Variants in ARID3A observed in about 807,000 individuals in gnomAD.
The protein encoded by ARID3A is AT-rich interaction domain 3A, also known as AT-rich interactive domain-containing protein 3A.
Under a neutral mutation model 52.7 loss-of-function variants are expected in ARID3A, and 11 were observed. The ratio of observed to expected loss-of-function variants is 0.21; its 90% CI spans 0.13 to 0.35. The LOEUF (loss-of-function observed/expected upper bound fraction) is 0.35, where lower values mean the gene tolerates loss of function less well. ARID3A is among the 10% of genes least tolerant of loss of function. The pLI, the probability that ARID3A is intolerant of heterozygous loss-of-function variation, is 1.00. For synonymous variants in ARID3A, 404 were observed against 359.4 expected (o/e 1.12, Z -1.40); for missense variants, 721 against 838.5 (o/e 0.86, Z 1.73).
At chr19:926,324 C>G (rs1472821703) in intron 1 of ARID3A, among the ~76,000 whole-genome samples, 7 of 151,718 alleles carry the variant, frequency 4.6e-5, no homozygotes, top group Non-Finnish European at 8.8e-5. Flanking sequence ...GGGTCCCGGA[C>G]TGGGAAGGCG....
At position 959,273 on chromosome 19, in the gene ARID3A, T is replaced by C. The variant is rs1413360760; in HGVS notation, c.694-819T>C. On this transcript the variant is annotated intron_variant, in intron 3 of 8. Transcript: ENST00000263620. This position sits in a 1 kb window ranked among gnomAD's most constrained non-coding sequence, Gnocchi z 5.0. ...GGGAACGCAACCCTGCAGACATCTT[T>C]TGTTTTGTTTTGTTTTTAGAGACAG... 6.6e-6 allele frequency among the ~76,000 whole-genome samples: 1 copy of C among 152,046 alleles called. No homozygotes were observed. Among genetic ancestry groups the C allele is most frequent in the African/African-American group, 2.4e-5 (1 of 41,418 alleles).
intron 4 of ARID3A, among the ~76,000 whole-genome samples, chr19:963,440 C>A (rs2095155013): frequency 6.6e-6 from 1 of 152,210 alleles, no homozygotes; most frequent in Non-Finnish European, 1.5e-5. Context: ...TACTGTCAGG[C>A]CAGGGAGGGG....
In ARID3A at chr19:929,577, G is replaced by C; in HGVS notation, c.49G>C (p.Ala17Pro). ...METLLQRQQR[A>P]RQELEARQQL... ...GACGCTGTTGCAGCGGCAGCAGCGG[G>C]CGCGCCAGGAGCTGGAGGCCCGGCA... Residue 17 changes from alanine (A) to proline (P), a missense_variant, in exon 2 of 9, where the codon GCG (alanine) becomes CCG (proline). Physicochemically the swap from Ala to Pro is conservative, Grantham distance 27 (BLOSUM62 -1). This residue lies in a region of ARID3A where 349 missense variants were observed against 297.3 expected (regional missense o/e 1.17). Coordinates refer to ENST00000263620, the MANE Select transcript of ARID3A (RefSeq NM_005224.3). The surrounding 1 kb of genome is among the most constrained non-coding windows in gnomAD (Gnocchi z 6.2). 6.6e-7 allele frequency: 1 copy of C among 1,523,628 alleles called. No individual in the cohort carries two copies. Among genetic ancestry groups the C allele is most frequent in the Non-Finnish European group, 8.8e-7 (1 of 1,142,020 alleles). 94.4% of individuals were successfully genotyped at this position (1,523,628 alleles called of 1,614,324 possible). A position where few individuals can be genotyped will look rare whatever the true frequency, so the allele number is the denominator to read the frequency against.
chr19:967,660 T>C (rs965238485), intron 7 of ARID3A, among the ~76,000 whole-genome samples: 2 of 152,122 alleles, frequency 1.3e-5, no homozygotes, highest in African/African-American at 4.8e-5. Context: ...AGCATGAATG[T>C]GACAGACACC....
intron 8 of ARID3A, among the ~76,000 whole-genome samples, chr19:971,150 CAT>C (rs1433758425): frequency 6.6e-5 from 10 of 152,258 alleles, no homozygotes; most frequent in East Asian, 5.8e-4. Context: ...TATATATGCA[CAT>C]GTGTGTGATG....
intron 6 of ARID3A, among the ~76,000 whole-genome samples, chr19:966,139 C>T (rs966210755): frequency 2.0e-5 from 3 of 148,392 alleles, no homozygotes; most frequent in Non-Finnish European, 4.4e-5. Flanking sequence ...CCAGCCTAAG[C>T]AACAGAGCGA....
chr19:973,125 T>TTTTTTTTTTTG lies in ARID3A; in HGVS notation c.*1060_*1061insTTTTTTTTTTG, dbSNP rs2038316953. ...GGAAATTTTTTTTTTTTTTTTTTTT[T>TTTTTTTTTTTG]GAGACGGAGTTTTGCTCTTGTCGCC... On this transcript the variant is annotated 3_prime_UTR_variant, in exon 9 of 9. Coordinates refer to ENST00000263620, the MANE Select transcript of ARID3A (RefSeq NM_005224.3). The TTTTTTTTTTTG allele has an allele frequency of 6.3e-6, 1 of 158,388 alleles. No homozygotes were observed. The highest frequency in any genetic ancestry group is 2.6e-5 in the African/African-American group (1 of 38,394). 9.8% of individuals were successfully genotyped at this position (158,388 alleles called of 1,614,324 possible).
rs964467302 is a variant in ARID3A at position 941,247 on chromosome 19, C to T, written c.693+8505C>T. Among the ~76,000 whole-genome samples, 4 of 152,236 alleles carry T rather than the reference C, an allele frequency of 2.6e-5. No individual in the cohort carries two copies. The highest frequency in any genetic ancestry group is 6.5e-5 in the Admixed American group (1 of 15,284). ...GTGGTGAGCCGCCGTGGCGTGCGTG[C>T]GAGTGTGCACGCTGGGGCTGTGGCC... On this transcript the variant is annotated intron_variant, in intron 3 of 8. Coordinates refer to ENST00000263620, the MANE Select transcript of ARID3A (RefSeq NM_005224.3). This position sits in a 1 kb window ranked among gnomAD's most constrained non-coding sequence, Gnocchi z 6.9.
intron 1 of ARID3A, among the ~76,000 whole-genome samples, chr19:927,996 G>A (rs189464216): frequency 1.3e-3 from 200 of 152,268 alleles, no homozygotes; most frequent in African/African-American, 4.7e-3. Context: ...CCGGTGACTG[G>A]GGAGGCTTGG....
intron 8 of ARID3A, 53 bp downstream of exon 8, chr19:968,556 G>C (rs940743548): frequency 6.4e-7 from 1 of 1,563,606 alleles, no homozygotes; most frequent in Admixed American, 1.7e-5. Flanking sequence ...CCGCCGCCGT[G>C]AACTCAGGAC....
At chr19:955,880 T>C (rs1398393818) in intron 3 of ARID3A, among the ~76,000 whole-genome samples, 1 of 152,162 alleles carries the variant, frequency 6.6e-6, no homozygotes, top group Admixed American at 6.5e-5. Flanking sequence ...AAACGAAACC[T>C]GTTCTCCCTC....
chr19:934,541 A>G (rs2037400247), intron 3 of ARID3A, among the ~76,000 whole-genome samples: 1 of 152,200 alleles, frequency 6.6e-6, no homozygotes, highest in Admixed American at 6.5e-5. Context: ...GAGGGGGGTC[A>G]CTGTGTCACC....
chr19:948,002 C>T (rs547669461), intron 3 of ARID3A, among the ~76,000 whole-genome samples: 22 of 152,310 alleles, frequency 1.4e-4, no homozygotes, highest in African/African-American at 4.8e-4. Context: ...CATGGCCAGG[C>T]AGAGCCCAGA....
intron 8 of ARID3A, among the ~76,000 whole-genome samples, chr19:970,498 C>CTTTTTTTT (rs1177419405): frequency 3.4e-5 from 3 of 88,346 alleles, no homozygotes; most frequent in Non-Finnish European, 6.8e-5. Context: ...AATAGTTTTT[C>CTTTTTTTT]TTTTTTTTTT....
intron 3 of ARID3A, among the ~76,000 whole-genome samples, chr19:939,220 G>C (rs2037496355): frequency 3.3e-5 from 5 of 152,052 alleles, no homozygotes; most frequent in Admixed American, 3.3e-4. Flanking sequence ...TCGGGTTCAA[G>C]CAATTCTCCT....
intron 1 of ARID3A, among the ~76,000 whole-genome samples, chr19:927,647 C>T (rs1378535656): frequency 1.3e-5 from 2 of 150,098 alleles, no homozygotes; most frequent in African/African-American, 2.5e-5. Context: ...ACAGACCCGA[C>T]CAGACCCTGA....
chr19:932,583 G>A lies in ARID3A; in HGVS notation c.534G>A (p.Gln178=). Reference sequence around the variant, plus strand: ...CGGCACTGTTCCCCCGAAAGGCCCAGCCACCCCAGGCCTTCCGCGGCGATG... The same window carrying A: ...CGGCACTGTTCCCCCGAAAGGCCCAACCACCCCAGGCCTTCCGCGGCGATG... ...GTTALFPRKA[Q]PPQAFRGDGV... is the part of the protein sequence containing the mutation. The change falls in exon 3 of 9, where the codon CAG becomes CAA. Residue 178 remains glutamine (Q), a synonymous_variant. Coordinates refer to ENST00000263620, the MANE Select transcript of ARID3A (RefSeq NM_005224.3). The A allele has an allele frequency of 6.6e-7, 1 of 1,505,248 alleles. No individual in the cohort carries two copies. The highest frequency in any genetic ancestry group is 1.3e-5 in the South Asian group (1 of 78,364). 93.2% of individuals were successfully genotyped at this position (1,505,248 alleles called of 1,614,324 possible). A position where few individuals can be genotyped will look rare whatever the true frequency, so the allele number is the denominator to read the frequency against.
At chr19:927,749 C>T (rs1457712019) in intron 1 of ARID3A, among the ~76,000 whole-genome samples, 2 of 152,140 alleles carry the variant, frequency 1.3e-5, no homozygotes, top group Non-Finnish European at 2.9e-5. Context: ...GCCCTGGTGG[C>T]CTCCGGACCG....
chr19:959,197 GC>G lies in ARID3A; in HGVS notation c.694-890del, dbSNP rs2037988917. Among the ~76,000 whole-genome samples, 1 of 152,216 alleles carries G rather than the reference GC, an allele frequency of 6.6e-6. No individual in the cohort carries two copies. The highest frequency in any genetic ancestry group is 2.1e-4 in the South Asian group (1 of 4,832). On this transcript the variant is annotated intron_variant, in intron 3 of 8. Coordinates refer to ENST00000263620, the MANE Select transcript of ARID3A (RefSeq NM_005224.3). The surrounding 1 kb of genome is among the most constrained non-coding windows in gnomAD (Gnocchi z 5.0). ...GCGGCCACAAGCCCAGGAACCTGGA[GC>G]CCCCAGAAGCCGTGAGAGGCAGGAA...
Sources: allele counts gnomAD v4.1 joint callset (sites outside exome capture counted in the v4.1 genomes callset), GRCh38; gene constraint gnomAD v4.1.1; regional missense constraint gnomAD v4.1.1; non-coding constraint Gnocchi (gnomAD v3.1); transcripts MANE v1.5; gene names NCBI Gene and HGNC (gene_info 2026-07-23, HGNC 2026-07-21).